Variants in ADI1 observed in about 807,000 individuals in gnomAD.
The protein encoded by ADI1 is acireductone dioxygenase 1.
Under a neutral mutation model 18.7 loss-of-function variants are expected in ADI1, and 21 were observed. That is an observed-to-expected ratio of 1.13 (90% CI 0.80 to 1.62). The LOEUF (loss-of-function observed/expected upper bound fraction) is 1.62, where lower values mean the gene tolerates loss of function less well. Ranked by LOEUF, ADI1 falls within the 40% of genes most tolerant of loss-of-function variation. The pLI, the probability that ADI1 is intolerant of heterozygous loss-of-function variation, is 0.00. For synonymous variants in ADI1, 90 were observed against 100.1 expected (o/e 0.90, Z 0.60); for missense variants, 245 against 254.9 (o/e 0.96, Z 0.26).
intron 2 of ADI1, among the ~76,000 whole-genome samples, chr2:3,506,174 G>C (rs1187292264): frequency 6.6e-6 from 1 of 152,176 alleles, no homozygotes; most frequent in Non-Finnish European, 1.5e-5. Flanking sequence ...CAGAGGCACA[G>C]GCTGACTACA....
Position 3,498,943 on chromosome 2 carries a change from T to C in ADI1, c.*20A>G, listed in dbSNP as rs1434592587. 2 of 1,596,426 alleles carry C rather than the reference T, an allele frequency of 1.3e-6. No individual in the cohort carries two copies. Among genetic ancestry groups the C allele is most frequent in the Admixed American group, 1.7e-5 (1 of 58,936 alleles). On this transcript the variant is annotated 3_prime_UTR_variant, in exon 4 of 4. Coordinates refer to ENST00000327435, the MANE Select transcript of ADI1 (RefSeq NM_018269.4). ...ATTGGGGACCTTTACGAGGCACGTG[T>C]TAGTTCCCAGGCAGCACTGCTAGGC...
Position 3,514,861 on chromosome 2 carries a change from G to A in ADI1, c.121-885C>T, listed in dbSNP as rs567558576. ...GTCAGGGACCCCGAATGGAGGGACC[G>A]GCTGGAGCCATGGCAGAGGAACATA... On this transcript the variant is annotated intron_variant, in intron 1 of 3. Coordinates refer to ENST00000327435, the MANE Select transcript of ADI1 (RefSeq NM_018269.4). 1,318 of 1,547,952 alleles carry A rather than the reference G, an allele frequency of 8.5e-4. 1 individual carries two copies. Among genetic ancestry groups the A allele is most frequent in the Non-Finnish European group, 1.1e-3 (1,211 of 1,146,234 alleles).
chr2:3,514,927 A>G (rs1349331714), intron 1 of ADI1: 1 of 1,507,590 alleles, frequency 6.6e-7, no homozygotes, highest in African/African-American at 1.4e-5. Flanking sequence ...TTCTCAAATA[A>G]TACTTTTATA....
chr2:3,513,749 C>G (rs953871655), intron 2 of ADI1, 108 bp downstream of exon 2: 1 of 1,213,184 alleles, frequency 8.2e-7, no homozygotes, highest in African/African-American at 1.5e-5. Context: ...TATAGCAAAG[C>G]AAGAATGGCC....
intron 2 of ADI1, among the ~76,000 whole-genome samples, chr2:3,502,094 T>C (rs1667036395): frequency 6.6e-6 from 1 of 151,710 alleles, no homozygotes; most frequent in African/African-American, 2.4e-5. Flanking sequence ...GGCACAATCA[T>C]GACTCACTAC....
chr2:3,519,310 G>A, intron 1 of ADI1, 58 bp downstream of exon 1: 1 of 1,342,938 alleles, frequency 7.4e-7, no homozygotes. Flanking sequence ...GCTGGGCTGT[G>A]CGCGGCGTTT....
At chr2:3,510,696 C>T (rs1667279133) in intron 2 of ADI1, among the ~76,000 whole-genome samples, 2 of 151,976 alleles carry the variant, frequency 1.3e-5, no homozygotes, top group Admixed American at 1.3e-4. Flanking sequence ...ATGAAATGGA[C>T]AAATGCCTTG....
intron 2 of ADI1, among the ~76,000 whole-genome samples, chr2:3,502,745 C>T (rs558066975): frequency 8.9e-4 from 136 of 152,150 alleles, no homozygotes; most frequent in African/African-American, 2.9e-3. Context: ...CCACCGCACA[C>T]GGCGACAAAC....
At chr2:3,501,356 C>G (rs980100646) in intron 2 of ADI1, among the ~76,000 whole-genome samples, 1 of 152,024 alleles carries the variant, frequency 6.6e-6, no homozygotes, top group African/African-American at 2.4e-5. Context: ...AAGTCACTGG[C>G]CCAACCTCAC....
intron 1 of ADI1, among the ~76,000 whole-genome samples, chr2:3,514,235 T>G (rs887902307): frequency 5.3e-5 from 8 of 152,168 alleles, no homozygotes; most frequent in African/African-American, 1.9e-4. Flanking sequence ...GGATTCTTTT[T>G]CCCATTTTGA....
At chr2:3,515,106 A>G (rs1479595487) in intron 1 of ADI1, 1 of 272,132 alleles carries the variant, frequency 3.7e-6, no homozygotes, top group Non-Finnish European at 6.7e-6. Flanking sequence ...AATAACAGCG[A>G]TTTTTAGGGA....
intron 2 of ADI1, among the ~76,000 whole-genome samples, chr2:3,511,350 T>A (rs769519046): frequency 6.6e-6 from 1 of 151,958 alleles, no homozygotes; most frequent in Non-Finnish European, 1.5e-5. Flanking sequence ...TATAATTTAC[T>A]TCTAAATTAC....
chr2:3,502,260 G>A (rs1341966027), intron 2 of ADI1, among the ~76,000 whole-genome samples: 1 of 152,084 alleles, frequency 6.6e-6, no homozygotes, highest in East Asian at 1.9e-4. Context: ...CAAACTCCAG[G>A]CCTCAAGTGA....
At chr2:3,500,350 T>C (rs951188689) in intron 3 of ADI1, among the ~76,000 whole-genome samples, 6 of 152,198 alleles carry the variant, frequency 3.9e-5, no homozygotes, top group Admixed American at 3.3e-4. Context: ...TTGCCAATCC[T>C]GACTGGACTG....
intron 2 of ADI1, among the ~76,000 whole-genome samples, chr2:3,513,278 T>C (rs1226492041): frequency 2.6e-5 from 4 of 152,156 alleles, no homozygotes; most frequent in African/African-American, 7.2e-5. Context: ...TGGGGGACTA[T>C]TGGGAAGAGA....
intron 1 of ADI1, among the ~76,000 whole-genome samples, chr2:3,514,298 T>C (rs1667353639): frequency 6.6e-6 from 1 of 152,212 alleles, no homozygotes; most frequent in Non-Finnish European, 1.5e-5. Flanking sequence ...GGTCCCTCAC[T>C]GTGCCCTGTT....
chr2:3,515,144 C>T, intron 1 of ADI1: 1 of 214,298 alleles, frequency 4.7e-6, no homozygotes, highest in Non-Finnish European at 9.2e-6. Context: ...TAAGGTTTGA[C>T]TGCCTGCAGG....
chr2:3,501,673 A>G (rs11675692), intron 2 of ADI1, among the ~76,000 whole-genome samples: 75,780 of 151,348 alleles, frequency 0.5, 22,187 homozygotes, highest in African/African-American at 0.83. Flanking sequence ...GATTACAGGT[A>G]CCTACCACTA....
chr2:3,512,757 C>G (rs1667317975), intron 2 of ADI1, among the ~76,000 whole-genome samples: 1 of 152,220 alleles, frequency 6.6e-6, no homozygotes, highest in Admixed American at 6.5e-5. Flanking sequence ...GGGATTGAAG[C>G]CCCCTCACAA....
Sources: allele counts gnomAD v4.1 joint callset (sites outside exome capture counted in the v4.1 genomes callset), GRCh38; gene constraint gnomAD v4.1.1; transcripts MANE v1.5; gene names NCBI Gene and HGNC (gene_info 2026-07-23, HGNC 2026-07-21).